TAOK1: variants seen among roughly 807,000 people sequenced by gnomAD.
TAOK1 encodes the protein TAO kinase 1.
Under a neutral mutation model 138.3 loss-of-function variants are expected in TAOK1, and 21 were observed. The observed-to-expected ratio is 0.15, with a 90% CI of 0.11 to 0.22. TAOK1 has a LOEUF of 0.22. Among genes scored for constraint, TAOK1 ranks in the 10% least tolerant of loss-of-function variants. TAOK1 has a pLI of 1.00. For missense variants in TAOK1, 651 were observed against 1,227.7 expected, an observed-to-expected ratio of 0.53 and a Z score of 7.02; for synonymous variants, 361 against 398.4, an observed-to-expected ratio of 0.91 and a Z score of 1.12.
chr17:29,505,630 A>T (rs551669876), intron 13 of TAOK1, among the ~76,000 whole-genome samples: 1 of 152,184 alleles, frequency 6.6e-6, no homozygotes, highest in South Asian at 2.1e-4. Flanking sequence ...TGAACCTGAG[A>T]GGCGGAGGTT....
chr17:29,521,708 G>A (rs540136042), intron 16 of TAOK1, among the ~76,000 whole-genome samples: 2 of 152,072 alleles, frequency 1.3e-5, no homozygotes, highest in Non-Finnish European at 2.9e-5. Flanking sequence ...TCAGCCTCCC[G>A]CGTAGCTGGG....
intron 13 of TAOK1, among the ~76,000 whole-genome samples, chr17:29,506,415 T>C (rs1159787379): frequency 6.6e-6 from 1 of 152,052 alleles, no homozygotes; most frequent in Non-Finnish European, 1.5e-5. Context: ...AAAAATAAAG[T>C]TGAACTCATA....
chr17:29,503,663 A>G (rs2031574188), intron 13 of TAOK1, among the ~76,000 whole-genome samples: 2 of 152,126 alleles, frequency 1.3e-5, no homozygotes, highest in Admixed American at 1.3e-4. Context: ...TACCATAAGA[A>G]AAGTAGGCTA....
At chr17:29,508,935 A>G (rs1346919345) in intron 14 of TAOK1, among the ~76,000 whole-genome samples, 4 of 152,140 alleles carry the variant, frequency 2.6e-5, no homozygotes, top group Non-Finnish European at 5.9e-5. Flanking sequence ...ACTTCTCAGT[A>G]AATTCACACA....
chr17:29,504,328 AAAG>A (rs916212600), intron 13 of TAOK1, among the ~76,000 whole-genome samples: 9 of 150,904 alleles, frequency 6.0e-5, no homozygotes, highest in Admixed American at 5.3e-4. Context: ...GAAAGAAAGA[AAAG>A]AAGAGAGAGA....
At chr17:29,508,520 G>A in intron 14 of TAOK1, among the ~76,000 whole-genome samples, 1 of 152,132 alleles carries the variant, frequency 6.6e-6, no homozygotes, top group East Asian at 1.9e-4. Context: ...TGATAGTTTT[G>A]TAGTGTCACA....
chr17:29,505,497 T>G (rs1298495092), intron 13 of TAOK1, among the ~76,000 whole-genome samples: 1 of 151,818 alleles, frequency 6.6e-6, no homozygotes, highest in Non-Finnish European at 1.5e-5. Flanking sequence ...AGGTCAGGAG[T>G]TCGAGACCAG....
intron 2 of TAOK1, among the ~76,000 whole-genome samples, chr17:29,454,003 A>C (rs1282934287): frequency 6.7e-6 from 1 of 150,274 alleles, no homozygotes; most frequent in Non-Finnish European, 1.5e-5. Context: ...TTTTTTGGAA[A>C]TGGGGTTTTG....
intron 3 of TAOK1, among the ~76,000 whole-genome samples, chr17:29,473,787 C>T (rs1414301858): frequency 6.6e-6 from 1 of 151,542 alleles, no homozygotes; most frequent in Non-Finnish European, 1.5e-5. Flanking sequence ...AGTGCAGTGG[C>T]ACTATCTTGG....
At chr17:29,450,161 A>T (rs1256447375) in intron 1 of TAOK1, among the ~76,000 whole-genome samples, 1 of 151,522 alleles carries the variant, frequency 6.6e-6, no homozygotes, top group Non-Finnish European at 1.5e-5. Flanking sequence ...ATCATCACTC[A>T]CTGTAACCTC....
chr17:29,413,905 G>C (rs1389562070), intron 1 of TAOK1, among the ~76,000 whole-genome samples: 3 of 81,096 alleles, frequency 3.7e-5, no homozygotes, highest in African/African-American at 1.6e-4. Context: ...TTTTTTTTGA[G>C]ATGGAGTTGC....
chr17:29,531,788 A>C (rs900657475), intron 18 of TAOK1, among the ~76,000 whole-genome samples: 4 of 125,990 alleles, frequency 3.2e-5, no homozygotes, highest in Admixed American at 8.1e-5. Context: ...GGGCCAGATA[A>C]GACTTTTTAG....
At chr17:29,536,746 C>G (rs1352174859) in intron 19 of TAOK1, among the ~76,000 whole-genome samples, 1 of 140,684 alleles carries the variant, frequency 7.1e-6, no homozygotes, top group East Asian at 2.1e-4. Flanking sequence ...GTGGCCCAGG[C>G]TGGAGTGCAG....
At position 29,411,690 on chromosome 17, in the gene TAOK1, G is replaced by A. The variant is rs140828902; in HGVS notation, c.-95+20666G>A. Among the ~76,000 whole-genome samples, 387 of 152,268 alleles carry A rather than the reference G, an allele frequency of 2.5e-3. 4 individuals are homozygous for A. The highest frequency in any genetic ancestry group is 6.6e-3 in the Admixed American group (101 of 15,278). ...TTACAGGCGAGAGCCACTGTGCCTG[G>A]CCTACAGAAGTACTTTCTATATCAT... On this transcript the variant is annotated intron_variant, in intron 1 of 19. Transcript: ENST00000261716.
At chr17:29,505,500 G>A (rs1357073825) in intron 13 of TAOK1, among the ~76,000 whole-genome samples, 2 of 152,012 alleles carry the variant, frequency 1.3e-5, no homozygotes, top group South Asian at 2.1e-4. Context: ...TCAGGAGTTC[G>A]AGACCAGCCT....
chr17:29,453,198 T>C (rs7210399), intron 2 of TAOK1, among the ~76,000 whole-genome samples: 92,378 of 147,010 alleles, frequency 0.63, 30,530 homozygotes, highest in East Asian at 0.97. Context: ...CTCGCTCTAT[T>C]GCCCAGGCTG....
At chr17:29,491,226 T>C (rs1000917456) in intron 9 of TAOK1, among the ~76,000 whole-genome samples, 39 of 152,170 alleles carry the variant, frequency 2.6e-4, no homozygotes, top group Admixed American at 3.9e-4. Flanking sequence ...AATAACACTA[T>C]ATAATAATGT....
chr17:29,393,168 G>A (rs116503173), intron 1 of TAOK1, among the ~76,000 whole-genome samples: 405 of 152,176 alleles, frequency 2.7e-3, no homozygotes, highest in Middle Eastern at 0.01. Flanking sequence ...CTGATTCTCC[G>A]TATTATGGCT....
intron 2 of TAOK1, among the ~76,000 whole-genome samples, 199 bp from the exon 3 acceptor site, chr17:29,466,946 T>A (rs2030683508): frequency 6.6e-6 from 1 of 152,190 alleles, no homozygotes; most frequent in African/African-American, 2.4e-5. Context: ...CTTTGCTTTA[T>A]TTTCTTTTTA....
Sources: gnomAD v4.1 joint callset for allele counts (sites outside exome capture counted in the v4.1 genomes callset) on GRCh38, gnomAD v4.1.1 for gene constraint, MANE v1.5 for transcripts, NCBI Gene and HGNC (gene_info 2026-07-23, HGNC 2026-07-21) for gene names.